The following TMEM232 variants were observed in gnomAD, a reference collection of about 807,000 sequenced individuals.
TMEM232 encodes transmembrane protein 232.
In TMEM232, 80 loss-of-function variants were observed where a neutral mutation model predicts 78.8. That is an observed-to-expected ratio of 1.01 (90% CI 0.85 to 1.22). The LOEUF (loss-of-function observed/expected upper bound fraction) is 1.22, where lower values mean the gene tolerates loss of function less well. Among genes scored for constraint, TMEM232 ranks in the 50% most tolerant of loss-of-function variants. The pLI is 0.00. For synonymous variants in TMEM232, 297 were observed against 254.3 expected (o/e 1.17, Z -1.60); for missense variants, 881 against 742.2 (o/e 1.19, Z -2.17).
At chr5:110,687,670 T>TTTTCTC (rs368229045) in intron 1 of TMEM232, among the ~76,000 whole-genome samples, 18 of 152,018 alleles carry the variant, frequency 1.2e-4, no homozygotes, top group Non-Finnish European at 2.6e-4. Flanking sequence ...CAAAGTCAAA[T>TTTTCTC]TTTCTCTTTC....
chr5:110,737,487 T>C (rs1799305809), intron 1 of TMEM232, among the ~76,000 whole-genome samples: 1 of 152,178 alleles, frequency 6.6e-6, no homozygotes, highest in African/African-American at 2.4e-5. Flanking sequence ...AAAGTTATGT[T>C]TTATATCACT....
At chr5:110,527,326 C>T (rs1279563208) in intron 12 of TMEM232, among the ~76,000 whole-genome samples, 1 of 151,756 alleles carries the variant, frequency 6.6e-6, no homozygotes, top group Non-Finnish European at 1.5e-5. Context: ...ACATATTAAT[C>T]CAAATTACTT....
At chr5:110,580,097 C>A (rs1778007429) in intron 10 of TMEM232, among the ~76,000 whole-genome samples, 1 of 151,592 alleles carries the variant, frequency 6.6e-6, no homozygotes, top group Admixed American at 6.6e-5. Flanking sequence ...ATAAAAGGAT[C>A]AATCCACTAA....
intron 12 of TMEM232, among the ~76,000 whole-genome samples, chr5:110,441,613 A>G (rs966419986): frequency 9.2e-5 from 14 of 152,162 alleles, no homozygotes; most frequent in African/African-American, 3.4e-4. Context: ...AGATGATGAT[A>G]TAGCGTTTCT....
At chr5:110,670,547 G>A (rs980558466) in intron 1 of TMEM232, among the ~76,000 whole-genome samples, 3 of 152,108 alleles carry the variant, frequency 2.0e-5, no homozygotes, top group Middle Eastern at 3.2e-3. Flanking sequence ...CGTGAAAATG[G>A]CCATATTGTC....
chr5:110,680,805 G>A (rs1792645718), intron 1 of TMEM232, among the ~76,000 whole-genome samples: 1 of 152,062 alleles, frequency 6.6e-6, no homozygotes, highest in South Asian at 2.1e-4. Flanking sequence ...GGTTCAGAAG[G>A]TCACAGGAGT....
chr5:110,694,685 A>G (rs1374828997), intron 1 of TMEM232, among the ~76,000 whole-genome samples: 2 of 151,894 alleles, frequency 1.3e-5, no homozygotes, highest in African/African-American at 4.8e-5. Context: ...CTTTAAACCA[A>G]CAAAGATCAA....
chr5:110,665,862 C>T (rs1179057745), intron 2 of TMEM232, among the ~76,000 whole-genome samples: 2 of 141,380 alleles, frequency 1.4e-5, no homozygotes, highest in African/African-American at 2.7e-5. Flanking sequence ...CAAGACCAGC[C>T]TGGGCAACAA....
intron 2 of TMEM232, among the ~76,000 whole-genome samples, chr5:110,413,019 T>G (rs945875853): frequency 6.6e-6 from 1 of 152,096 alleles, no homozygotes; most frequent in Admixed American, 6.5e-5. Context: ...TAATAATGAG[T>G]GTCAACTTGA....
chr5:110,727,558 G>A (rs112622116), upstream of TMEM232, among the ~76,000 whole-genome samples: 4,151 of 152,132 alleles, frequency 0.027, 192 homozygotes, highest in African/African-American at 0.094. Context: ...GCAGTGAGCC[G>A]AGATCATGCC....
intron 10 of TMEM232, among the ~76,000 whole-genome samples, chr5:110,598,473 AC>A (rs1262971000): frequency 6.6e-6 from 1 of 152,152 alleles, no homozygotes. Flanking sequence ...GGGATCTAGA[AC>A]TAGAAATACC....
chr5:110,533,975 C>T (rs1771938253), intron 11 of TMEM232, among the ~76,000 whole-genome samples: 1 of 152,164 alleles, frequency 6.6e-6, no homozygotes, highest in Non-Finnish European at 1.5e-5. Flanking sequence ...TGCTATTCTA[C>T]TACTTCTCAA....
chr5:110,462,918 G>C (rs1438499763), intron 12 of TMEM232, among the ~76,000 whole-genome samples: 1 of 152,102 alleles, frequency 6.6e-6, no homozygotes, highest in Non-Finnish European at 1.5e-5. Flanking sequence ...TGCTTCTTAT[G>C]GATGAGCAAA....
intron 13 of TMEM232, among the ~76,000 whole-genome samples, chr5:110,423,642 C>G (rs983362641): frequency 1.3e-5 from 2 of 152,072 alleles, no homozygotes; most frequent in Non-Finnish European, 1.5e-5. Flanking sequence ...GCAGTGATTA[C>G]TTGGATAGTG....
chr5:110,428,488 C>T (rs1414793290), intron 12 of TMEM232, among the ~76,000 whole-genome samples: 1 of 151,694 alleles, frequency 6.6e-6, no homozygotes, highest in Non-Finnish European at 1.5e-5. Flanking sequence ...AAGATAGCCA[C>T]CATCTGCCCA....
chr5:110,695,119 A>C (rs1279905904), intron 1 of TMEM232, among the ~76,000 whole-genome samples: 2 of 152,236 alleles, frequency 1.3e-5, no homozygotes, highest in African/African-American at 4.8e-5. Flanking sequence ...ACCACAGTGC[A>C]ATCAAACTAG....
chr5:110,699,641 G>A (rs1418505365), intron 1 of TMEM232, among the ~76,000 whole-genome samples: 1 of 151,890 alleles, frequency 6.6e-6, no homozygotes, highest in African/African-American at 2.4e-5. Context: ...ACAATATCTT[G>A]GAAACCATTT....
At chr5:110,572,587 T>C (rs1777081451) in intron 10 of TMEM232, among the ~76,000 whole-genome samples, 1 of 152,046 alleles carries the variant, frequency 6.6e-6, no homozygotes, top group South Asian at 2.1e-4. Context: ...AATAGTTGAA[T>C]TATCAAAATG....
In TMEM232 at chr5:110,600,506, A is replaced by T. The variant is rs188268728; in HGVS notation, c.1276+4603T>A. On this transcript the variant is annotated intron_variant, in intron 10 of 13. Coordinates refer to ENST00000455884, the MANE Select transcript of TMEM232 (RefSeq NM_001039763.4). Reference sequence around the variant, plus strand: ...ATCACCACTGATCCCACAGAAATACAAACTACCATCAGAGAATACTATAAA... The same window carrying T: ...ATCACCACTGATCCCACAGAAATACTAACTACCATCAGAGAATACTATAAA... 3.3e-5 allele frequency among the ~76,000 whole-genome samples: 5 copies of T among 152,316 alleles called. No individual in the cohort carries two copies. The East Asian group carries it at 9.6e-4, about 29-fold the overall frequency.
Sources: gnomAD v4.1 joint callset for allele counts (sites outside exome capture counted in the v4.1 genomes callset) on GRCh38, gnomAD v4.1.1 for gene constraint, MANE v1.5 for transcripts, NCBI Gene and HGNC (gene_info 2026-07-23, HGNC 2026-07-21) for gene names.